Variants in SPON1 observed in about 807,000 individuals in gnomAD.
SPON1 encodes the protein spondin-1.
In SPON1, 52 loss-of-function variants were observed where a neutral mutation model predicts 111.7. The observed-to-expected ratio is 0.47, with a 90% CI of 0.37 to 0.59. The LOEUF is 0.59. Ranked by LOEUF, SPON1 falls within the 20% of genes least tolerant of loss-of-function variation. The probability of loss-of-function intolerance (pLI) is 0.00; values close to 1 mark genes in which losing one functional copy is unlikely to be tolerated. For missense variants in SPON1, 957 were observed against 1,068.5 expected (o/e 0.90, Z 1.46); for synonymous variants, 410 against 395.8 (o/e 1.04, Z -0.43).
At position 14,041,384 on chromosome 11, in the gene SPON1, T is replaced by A; in HGVS notation, c.346-137T>A. 8 of 1,018,676 alleles carry A rather than the reference T, an allele frequency of 7.9e-6. No individual in the cohort carries two copies. In the South Asian group the frequency reaches 1.1e-4, roughly 14 times the overall value. The allele number at this position is 1,018,676 out of a possible 1,614,324, so 63.1% of individuals were successfully genotyped here. On this transcript the variant is annotated intron_variant, in intron 2 of 15. Coordinates refer to ENST00000576479, the MANE Select transcript of SPON1 (RefSeq NM_006108.4). Reference sequence around the variant, plus strand: ...ACTGGGACTTTATGCCAAGCACTATTCTGGTGCCTGGGGATACAGAGTTGC... The same window carrying A: ...ACTGGGACTTTATGCCAAGCACTATACTGGTGCCTGGGGATACAGAGTTGC...
intron 6 of SPON1, among the ~76,000 whole-genome samples, chr11:14,170,028 T>G (rs1312314242): frequency 3.9e-5 from 6 of 152,208 alleles, no homozygotes; most frequent in African/African-American, 1.2e-4. Context: ...TCCAATTCTG[T>G]GAAGAAAGTC....
intron 6 of SPON1, among the ~76,000 whole-genome samples, chr11:14,178,238 T>C (rs1380527098): frequency 6.6e-6 from 1 of 151,982 alleles, no homozygotes; most frequent in Non-Finnish European, 1.5e-5. Context: ...CTGGCTAACA[T>C]GGTGAAACCC....
chr11:13,983,797 G>A (rs1419783664), intron 2 of SPON1, among the ~76,000 whole-genome samples: 1 of 152,060 alleles, frequency 6.6e-6, no homozygotes, highest in East Asian at 1.9e-4. Context: ...ATTTTTATCT[G>A]GCATTTGCAA....
At chr11:14,082,701 G>T (rs1554922162) in intron 5 of SPON1, among the ~76,000 whole-genome samples, 1 of 152,160 alleles carries the variant, frequency 6.6e-6, no homozygotes, top group African/African-American at 2.4e-5. Context: ...ACATGGGGAG[G>T]ATCTAATCGG....
chr11:14,040,183 C>T (rs1848622061), intron 2 of SPON1, among the ~76,000 whole-genome samples: 1 of 152,154 alleles, frequency 6.6e-6, no homozygotes, highest in Non-Finnish European at 1.5e-5. Context: ...ATCACAAGTA[C>T]AGCAGCATGA....
intron 6 of SPON1, among the ~76,000 whole-genome samples, chr11:14,230,793 T>C (rs1468177626): frequency 6.6e-6 from 1 of 152,064 alleles, no homozygotes; most frequent in Non-Finnish European, 1.5e-5. Context: ...CCTTCATTTT[T>C]TCGTGGTGGT....
intron 5 of SPON1, among the ~76,000 whole-genome samples, chr11:14,126,549 C>G (rs1031128836): frequency 6.6e-6 from 1 of 152,168 alleles, no homozygotes; most frequent in East Asian, 1.9e-4. Flanking sequence ...AGCTTCCCCC[C>G]ACCTCTGGGC....
At chr11:14,213,248 A>G (rs782815884) in intron 6 of SPON1, among the ~76,000 whole-genome samples, 1 of 152,222 alleles carries the variant, frequency 6.6e-6, no homozygotes, top group Non-Finnish European at 1.5e-5. Context: ...TAGGAGAGAC[A>G]CTGTAGAAAA....
chr11:14,108,490 G>A (rs1044894759), intron 5 of SPON1, among the ~76,000 whole-genome samples: 1 of 152,100 alleles, frequency 6.6e-6, no homozygotes. Context: ...AGTGGAGAGA[G>A]GGCCAAGTTC....
chr11:14,170,557 C>A (rs1554932342), intron 6 of SPON1, among the ~76,000 whole-genome samples: 4 of 151,970 alleles, frequency 2.6e-5, no homozygotes, highest in Admixed American at 2.0e-4. Context: ...TGAGATAGGG[C>A]ATCCCTGTCT....
chr11:14,173,565 T>C (rs2133883352), intron 6 of SPON1, among the ~76,000 whole-genome samples: 1 of 152,190 alleles, frequency 6.6e-6, no homozygotes, highest in Non-Finnish European at 1.5e-5. Flanking sequence ...GGAGAAGGGG[T>C]GCTCTGATTT....
At chr11:14,178,967 G>T (rs1554933427) in intron 6 of SPON1, among the ~76,000 whole-genome samples, 2 of 152,180 alleles carry the variant, frequency 1.3e-5, no homozygotes, top group African/African-American at 4.8e-5. Context: ...GAGAAGAAGG[G>T]AAGCCACTTC....
chr11:14,197,518 A>T (rs1297314512), intron 6 of SPON1, among the ~76,000 whole-genome samples: 1 of 151,342 alleles, frequency 6.6e-6, no homozygotes, highest in African/African-American at 2.4e-5. Context: ...TAAATAAATA[A>T]ATAAACAAGT....
At chr11:14,109,848 T>A (rs1554925269) in intron 5 of SPON1, among the ~76,000 whole-genome samples, 1 of 152,060 alleles carries the variant, frequency 6.6e-6, no homozygotes, top group African/African-American at 2.4e-5. Flanking sequence ...GAGGAAAACT[T>A]TTTTCTTCTC....
At chr11:14,031,863 T>G (rs1554916095) in intron 2 of SPON1, among the ~76,000 whole-genome samples, 1 of 152,228 alleles carries the variant, frequency 6.6e-6, no homozygotes, top group Non-Finnish European at 1.5e-5. Flanking sequence ...ATTCAATGAC[T>G]GGGATTATTT....
chr11:14,131,965 G>C (rs797033554), intron 5 of SPON1, among the ~76,000 whole-genome samples: 9 of 152,330 alleles, frequency 5.9e-5, no homozygotes, highest in African/African-American at 2.2e-4. Flanking sequence ...TTATTTGGTT[G>C]ATGTCATTAA....
chr11:14,006,591 C>T (rs905642020), intron 2 of SPON1, among the ~76,000 whole-genome samples: 6 of 152,096 alleles, frequency 3.9e-5, no homozygotes, highest in South Asian at 4.1e-4. Flanking sequence ...CGTGGTGGAC[C>T]GGTGGTCCAT....
At chr11:14,071,453 C>T (rs1026023244) in intron 3 of SPON1, among the ~76,000 whole-genome samples, 1 of 152,096 alleles carries the variant, frequency 6.6e-6, no homozygotes, top group Non-Finnish European at 1.5e-5. Context: ...CACGTCCACA[C>T]TCCCATTCCC....
intron 6 of SPON1, among the ~76,000 whole-genome samples, chr11:14,231,783 C>A (rs1206155414): frequency 4.0e-5 from 6 of 151,836 alleles, no homozygotes; most frequent in Non-Finnish European, 8.8e-5. Context: ...AATGGTGAAT[C>A]CAAAGACTAT....
Sources: gnomAD v4.1 joint callset for allele counts (sites outside exome capture counted in the v4.1 genomes callset) on GRCh38, gnomAD v4.1.1 for gene constraint, MANE v1.5 for transcripts, NCBI Gene and HGNC (gene_info 2026-07-23, HGNC 2026-07-21) for gene names.